HK2: variants seen among roughly 807,000 people sequenced by gnomAD.
HK2 encodes hexokinase 2.
HK2 carries 42 observed loss-of-function variants against 92.9 expected under a neutral mutation model. That is an observed-to-expected ratio of 0.45 (90% CI 0.35 to 0.58). The LOEUF is 0.58. HK2 is among the 20% of genes least tolerant of loss of function. The pLI, the probability that HK2 is intolerant of heterozygous loss-of-function variation, is 0.00. For missense variants in HK2, 978 were observed against 1,245.1 expected (o/e 0.79, Z 3.23); for synonymous variants, 422 against 468.0 (o/e 0.90, Z 1.27).
At chr2:74,873,206 G>C (rs1689141646) in intron 4 of HK2, 70 bp from the exon 5 acceptor site, 6 of 1,107,102 alleles carry the variant, frequency 5.4e-6, no homozygotes, top group Admixed American at 5.1e-5. Flanking sequence ...TAATGACGGA[G>C]GTTTGAGGGG....
rs1427320336 is a variant in HK2, at chr2:74,887,931, C to A, written c.2248C>A (p.Leu750Met). Residue 750 changes from leucine (L) to methionine (M), a missense_variant, in exon 16 of 18, where the codon CTG becomes ATG. Coordinates refer to ENST00000290573, the MANE Select transcript of HK2 (RefSeq NM_000189.5). ...RFEKMISGMYLGEIVRNILID... is the reference protein window; with the variant it reads ...RFEKMISGMYMGEIVRNILID... ...CGAGAAAATGATCAGTGGAATGTAC[C>A]TGGGTGAGATTGTCCGTAACATTCT... The A allele has an allele frequency of 2.7e-5, 43 of 1,613,916 alleles. No individual in the cohort carries two copies. The highest frequency in any genetic ancestry group is 3.4e-5 in the Non-Finnish European group (40 of 1,180,000).
Position 74,840,904 on chromosome 2 carries a change from A to AAAAAAAAG in HK2, c.63+6261_63+6262insAAAAAAAG, listed in dbSNP as rs869156790. Among the ~76,000 whole-genome samples, 11 of 114,030 alleles carry AAAAAAAAG rather than the reference A, an allele frequency of 9.6e-5. 1 individual carries two copies. Among genetic ancestry groups the AAAAAAAAG allele is most frequent in the African/African-American group, 3.6e-4 (10 of 28,082 alleles). The allele number at this position is 114,030 out of a possible 152,430, so 74.8% of individuals were successfully genotyped here. On this transcript the variant is annotated intron_variant, in intron 1 of 17. Transcript: ENST00000290573. ...AAAAAAAAAAAAAAAAAAAAAAAAA[A>AAAAAAAAG]GCTGTGGGGGTTGGGATGTGGCAAA...
At chr2:74,856,257 A>C (rs749036994) in intron 2 of HK2, among the ~76,000 whole-genome samples, 31 of 152,118 alleles carry the variant, frequency 2.0e-4, no homozygotes, top group Non-Finnish European at 2.2e-4. Flanking sequence ...AAGTGCCTCT[A>C]GGGACCTGGT....
intron 3 of HK2, among the ~76,000 whole-genome samples, chr2:74,870,314 T>TA (rs1558798447): frequency 6.6e-6 from 1 of 152,180 alleles, no homozygotes. Flanking sequence ...CGGCCTGTTT[T>TA]AAAAATTCTA....
intron 2 of HK2, among the ~76,000 whole-genome samples, chr2:74,865,676 ACCT>A (rs1483728597): frequency 1.3e-5 from 2 of 152,024 alleles, no homozygotes; most frequent in Non-Finnish European, 2.9e-5. Flanking sequence ...TGGTGGGGCC[ACCT>A]CTAGTCACTG....
chr2:74,885,957 G>T (rs1264596110), intron 13 of HK2, among the ~76,000 whole-genome samples: 1 of 151,518 alleles, frequency 6.6e-6, no homozygotes, highest in African/African-American at 2.4e-5. Flanking sequence ...ACATTTTTAT[G>T]GTTATTTCTT....
intron 1 of HK2, among the ~76,000 whole-genome samples, chr2:74,849,076 C>T (rs1467767258): frequency 6.6e-6 from 1 of 152,218 alleles, no homozygotes; most frequent in African/African-American, 2.4e-5. Flanking sequence ...CCATGAATGT[C>T]CCCTTTTGTT....
intron 13 of HK2, 32 bp from the exon 14 acceptor site, chr2:74,886,262 T>C: frequency 1.3e-6 from 2 of 1,519,674 alleles, no homozygotes; most frequent in Non-Finnish European, 1.8e-6. Context: ...GGGGTTCACC[T>C]GTGAACTGGG....
At chr2:74,842,537 G>A (rs1558787184) in intron 1 of HK2, among the ~76,000 whole-genome samples, 1 of 152,114 alleles carries the variant, frequency 6.6e-6, no homozygotes, top group Non-Finnish European at 1.5e-5. Context: ...AGCAAAAAGA[G>A]GCCCTGCTTT....
intron 16 of HK2, among the ~76,000 whole-genome samples, chr2:74,888,549 A>G (rs1473765685): frequency 6.6e-6 from 1 of 152,174 alleles, no homozygotes; most frequent in Non-Finnish European, 1.5e-5. Context: ...GAAAATCTCC[A>G]AATTAGAACA....
At chr2:74,857,361 T>A (rs777911400) in intron 2 of HK2, among the ~76,000 whole-genome samples, 3 of 152,236 alleles carry the variant, frequency 2.0e-5, no homozygotes, top group Non-Finnish European at 4.4e-5. Flanking sequence ...CATTGGATGG[T>A]GTCTTAGTTC....
chr2:74,862,433 G>A (rs1033805888), intron 2 of HK2, among the ~76,000 whole-genome samples: 8 of 152,190 alleles, frequency 5.3e-5, no homozygotes, highest in African/African-American at 9.7e-5. Flanking sequence ...AAGCTGCCTC[G>A]TGCCCTTTAA....
rs1029409482 is a variant in HK2, at chr2:74,834,158, C to T, written c.-423C>T. 3 of 344,984 alleles carry T rather than the reference C, an allele frequency of 8.7e-6. No homozygotes were observed. The highest frequency in any genetic ancestry group is 2.2e-5 in the African/African-American group (1 of 46,318). The allele number at this position is 344,984 out of a possible 1,614,324, so 21.4% of individuals were successfully genotyped here. On this transcript the variant is annotated 5_prime_UTR_variant, in exon 1 of 18. Transcript: ENST00000290573. The surrounding 1 kb of genome is among the most constrained non-coding windows in gnomAD (Gnocchi z 4.2). ...TTGCATGAAACTCCGGCGCAGGAGTCCCGGGCTGCCGCTGGCAACATCGTG... is the reference window on the plus strand; with the variant it reads ...TTGCATGAAACTCCGGCGCAGGAGTTCCGGGCTGCCGCTGGCAACATCGTG...
chr2:74,880,300 T>C lies in HK2; in HGVS notation c.1301T>C (p.Leu434Pro). The C allele has an allele frequency of 6.2e-7, 1 of 1,614,164 alleles. No homozygotes were observed. The highest frequency in any genetic ancestry group is 8.5e-7 in the Non-Finnish European group (1 of 1,180,040). The change falls in exon 10 of 18, where the codon CTG becomes CCG. Residue 434 changes from leucine to proline, a missense_variant. Leu to Pro is a moderately conservative substitution (Grantham distance 98). Coordinates refer to ENST00000290573, the MANE Select transcript of HK2 (RefSeq NM_000189.5). ...AKRLHKTVRRLVPGCDVRFLR... is the reference protein window; with the variant it reads ...AKRLHKTVRRPVPGCDVRFLR... ...CGTCTACATAAGACCGTGCGGCGGC[T>C]GGTGCCCGGCTGCGATGTCCGCTTC...
rs1164941440 is a variant in HK2 at position 74,877,237 on chromosome 2, A to G, written c.947A>G (p.Glu316Gly). The change falls in exon 8 of 18, where the codon GAG (glutamate) becomes GGG (glycine). Residue 316 changes from glutamate (E) to glycine (G), a missense_variant. Around this residue, in one of 3 missense-constraint regions of HK2, gnomAD observed 742 missense variants for 922.5 expected, o/e 0.80. Coordinates refer to ENST00000290573, the MANE Select transcript of HK2 (RefSeq NM_000189.5). ...VRLILVKMAK[E>G]ELLFGGKLSP... ...CTTATCCTGGTGAAGATGGCCAAGG[A>G]GGAGCTGCTCTTTGGGGGGAAGCTC... The G allele has an allele frequency of 1.2e-6, 2 of 1,614,158 alleles. No homozygotes were observed. Among genetic ancestry groups the G allele is most frequent in the Non-Finnish European group, 8.5e-7 (1 of 1,180,030 alleles).
chr2:74,842,052 A>C (rs560102054), intron 1 of HK2, among the ~76,000 whole-genome samples: 1 of 152,362 alleles, frequency 6.6e-6, no homozygotes, highest in Admixed American at 6.5e-5. Context: ...CAGTTACTCT[A>C]CCTGTCTAGG....
At position 74,885,987 on chromosome 2, in the gene HK2, G is replaced by A. The variant is rs147476650; in HGVS notation, c.1936-307G>A. On this transcript the variant is annotated intron_variant, in intron 13 of 17. Transcript: ENST00000290573. ...TTTCTTGATTATATGCTAAACAAGG[G>A]GTGTATTATTCATGCCTTCCCTTTT... Among the ~76,000 whole-genome samples, 166 of 151,996 alleles carry A rather than the reference G, an allele frequency of 1.1e-3. 1 individual carries two copies. Among genetic ancestry groups the A allele is most frequent in the African/African-American group, 4.0e-3 (165 of 41,420 alleles).
chr2:74,884,359 AC>A (rs1689471765), intron 12 of HK2, among the ~76,000 whole-genome samples: 1 of 152,104 alleles, frequency 6.6e-6, no homozygotes, highest in African/African-American at 2.4e-5. Context: ...GGGGTTAGAG[AC>A]CCCAGGGCTC....
At chr2:74,880,148 C>A in intron 9 of HK2, 117 bp from the exon 10 acceptor site, 1 of 1,086,294 alleles carries the variant, frequency 9.2e-7, no homozygotes, top group Non-Finnish European at 1.4e-6. Context: ...AGGGCAGCAC[C>A]CACTCCTGCA....
Sources: allele counts gnomAD v4.1 joint callset (sites outside exome capture counted in the v4.1 genomes callset), GRCh38; gene constraint gnomAD v4.1.1; regional missense constraint gnomAD v4.1.1; non-coding constraint Gnocchi (gnomAD v3.1); transcripts MANE v1.5; gene names NCBI Gene and HGNC (gene_info 2026-07-23, HGNC 2026-07-21).